CENPW: variants seen among roughly 807,000 people sequenced by gnomAD.
The protein encoded by CENPW is cancer-up-regulated gene 2 protein.
A neutral mutation model predicts 11.1 loss-of-function variants in CENPW; 3 were observed. The observed-to-expected ratio is 0.27, with a 90% CI of 0.12 to 0.70. CENPW has a LOEUF of 0.70. Among genes scored for constraint, CENPW ranks in the 30% least tolerant of loss-of-function variants. The pLI is 0.77. For missense variants in CENPW, 100 were observed against 105.6 expected, an observed-to-expected ratio of 0.95 and a Z score of 0.23; for synonymous variants, 38 against 42.0, an observed-to-expected ratio of 0.91 and a Z score of 0.37.
At chr6:126,366,033 G>C in the CENPW span, among the ~76,000 whole-genome samples, 2 of 152,130 alleles carry the variant, frequency 1.3e-5, no homozygotes, top group Non-Finnish European at 2.9e-5. Flanking sequence ...ATCCCTACTA[G>C]CATTAAAGTT....
chr6:126,466,451 G>A, the CENPW span, among the ~76,000 whole-genome samples: 2 of 152,118 alleles, frequency 1.3e-5, no homozygotes, highest in African/African-American at 4.8e-5. Context: ...ATGCTGAATA[G>A]TGGAGACCAG....
chr6:126,380,689 A>G, the CENPW span, among the ~76,000 whole-genome samples: 2 of 152,346 alleles, frequency 1.3e-5, no homozygotes, highest in South Asian at 2.1e-4. Context: ...TATTTAATAC[A>G]TATTTTTAAA....
the CENPW span, among the ~76,000 whole-genome samples, chr6:126,380,040 G>A: frequency 6.6e-6 from 1 of 152,130 alleles, no homozygotes; most frequent in East Asian, 1.9e-4. Context: ...TCCAGATTAA[G>A]TTCATGGGTT....
At chr6:126,386,729 G>T in the CENPW span, among the ~76,000 whole-genome samples, 1 of 151,872 alleles carries the variant, frequency 6.6e-6, no homozygotes, top group East Asian at 1.9e-4. Context: ...TGCCCTACAA[G>T]TTAGCTTCTT....
the CENPW span, among the ~76,000 whole-genome samples, chr6:126,358,571 T>C: frequency 2.0e-3 from 303 of 152,324 alleles, 1 homozygote; most frequent in African/African-American, 7.0e-3. Context: ...TTGATTGTGA[T>C]GTATTAACTT....
At chr6:126,382,142 C>G in the CENPW span, among the ~76,000 whole-genome samples, 1 of 152,040 alleles carries the variant, frequency 6.6e-6, no homozygotes, top group Non-Finnish European at 1.5e-5. Context: ...ATCCCAGCTG[C>G]AGGAGAATCA....
At chr6:126,410,934 T>A in the CENPW span, among the ~76,000 whole-genome samples, 1 of 152,260 alleles carries the variant, frequency 6.6e-6, no homozygotes, top group Non-Finnish European at 1.5e-5. Flanking sequence ...TCTACCTCAC[T>A]GCATTTTCTT....
At chr6:126,473,534 C>A in the CENPW span, among the ~76,000 whole-genome samples, 1 of 151,982 alleles carries the variant, frequency 6.6e-6, no homozygotes, top group South Asian at 2.1e-4. Flanking sequence ...GAGTTCAAGA[C>A]CAGCCTGGCC....
At chr6:126,405,318 T>C in the CENPW span, among the ~76,000 whole-genome samples, 1 of 152,120 alleles carries the variant, frequency 6.6e-6, no homozygotes, top group Non-Finnish European at 1.5e-5. Flanking sequence ...TGGTTGTAGA[T>C]ACATGGATTT....
At chr6:126,418,045 A>G in the CENPW span, among the ~76,000 whole-genome samples, 3 of 152,224 alleles carry the variant, frequency 2.0e-5, no homozygotes, top group Non-Finnish European at 4.4e-5. Context: ...AAACTTTGGG[A>G]TACCACTTCA....
the CENPW span, among the ~76,000 whole-genome samples, chr6:126,400,613 C>T: frequency 6.6e-6 from 1 of 152,006 alleles, no homozygotes; most frequent in African/African-American, 2.4e-5. Flanking sequence ...GACATTATCT[C>T]TTCAAATATT....
the CENPW span, among the ~76,000 whole-genome samples, chr6:126,385,850 T>C: frequency 1.3e-5 from 2 of 152,098 alleles, no homozygotes; most frequent in Non-Finnish European, 2.9e-5. Context: ...CAGCTAAACC[T>C]TTTGTCTTTA....
chr6:126,446,176 A>G, the CENPW span, among the ~76,000 whole-genome samples: 2 of 151,212 alleles, frequency 1.3e-5, no homozygotes, highest in Non-Finnish European at 3.0e-5. Flanking sequence ...TAAAGGGGGT[A>G]GTAAACTGAG....
the CENPW span, among the ~76,000 whole-genome samples, chr6:126,438,979 T>G: frequency 1.3e-5 from 2 of 151,748 alleles, no homozygotes; most frequent in Non-Finnish European, 1.5e-5. Context: ...AGAGTATACA[T>G]TGGTAATTTA....
the CENPW span, among the ~76,000 whole-genome samples, chr6:126,388,796 T>C: frequency 6.6e-6 from 1 of 151,964 alleles, no homozygotes; most frequent in African/African-American, 2.4e-5. Context: ...TATTGCATTG[T>C]GATTGCCTAT....
intron 1 of CENPW, among the ~76,000 whole-genome samples, chr6:126,344,024 T>A (rs2128289640): frequency 6.6e-6 from 1 of 152,182 alleles, no homozygotes; most frequent in Middle Eastern, 3.4e-3. Context: ...TGGGTCTGAT[T>A]TAAAAAAAAA....
At chr6:126,388,694 T>A in the CENPW span, among the ~76,000 whole-genome samples, 1 of 151,942 alleles carries the variant, frequency 6.6e-6, no homozygotes, top group East Asian at 1.9e-4. Flanking sequence ...GGGCTTTAGG[T>A]GTGTCTTTCT....
downstream of CENPW, among the ~76,000 whole-genome samples, chr6:126,351,922 A>G (rs1279692524): frequency 3.3e-5 from 5 of 152,120 alleles, no homozygotes; most frequent in Admixed American, 3.3e-4. Context: ...GTTTAATAAC[A>G]GTATACTCCC....
chr6:126,399,234 T>C, the CENPW span, among the ~76,000 whole-genome samples: 44 of 152,214 alleles, frequency 2.9e-4, no homozygotes, highest in African/African-American at 1.0e-3. Flanking sequence ...TTCAAACTGC[T>C]TTCCATAGTG....
Sources: gnomAD v4.1 joint callset for allele counts (sites outside exome capture counted in the v4.1 genomes callset) on GRCh38, gnomAD v4.1.1 for gene constraint, MANE v1.5 for transcripts, NCBI Gene and HGNC (gene_info 2026-07-23, HGNC 2026-07-21) for gene names.